The following RIMS1 variants were observed in gnomAD, a reference collection of about 807,000 sequenced individuals.
RIMS1 encodes regulating synaptic membrane exocytosis protein 1.
RIMS1 carries 83 observed loss-of-function variants against 214.1 expected under a neutral mutation model. That is an observed-to-expected ratio of 0.39 (90% CI 0.32 to 0.47). RIMS1 has a LOEUF of 0.47. Among genes scored for constraint, RIMS1 ranks in the 20% least tolerant of loss-of-function variants. The pLI is 0.99. For synonymous variants in RIMS1, 793 were observed against 786.8 expected, an observed-to-expected ratio of 1.01 and a Z score of -0.13; for missense variants, 2,050 against 2,161.8, an observed-to-expected ratio of 0.95 and a Z score of 1.03.
chr6:72,183,097 G>C lies in RIMS1; in HGVS notation c.1626G>C (p.Glu542Asp), dbSNP rs1289605278. The C allele has an allele frequency of 2.5e-6, 4 of 1,591,940 alleles. No homozygotes were observed. Among genetic ancestry groups the C allele is most frequent in the Non-Finnish European group, 3.4e-6 (4 of 1,170,360 alleles). The change falls in exon 6 of 34, where the codon GAG becomes GAC. Residue 542 changes from glutamate to aspartate, a missense_variant. Transcript: ENST00000521978. ...SSEEEGVSTP[E>D]YTSCEDVELE... ...AGGAGGAGGGCGTGTCGACGCCCGAGTACACCAGCTGCGAGGACGTGGAGC... is the reference window on the plus strand; with the variant it reads ...AGGAGGAGGGCGTGTCGACGCCCGACTACACCAGCTGCGAGGACGTGGAGC...
intron 27 of RIMS1, among the ~76,000 whole-genome samples, chr6:72,311,008 T>C (rs1278218862): frequency 6.6e-6 from 1 of 152,160 alleles, no homozygotes; most frequent in East Asian, 1.9e-4. Flanking sequence ...TAAAGCCATC[T>C]TTTGGCTTAT....
chr6:71,941,393 C>G (rs1241597528), intron 1 of RIMS1, among the ~76,000 whole-genome samples: 3 of 152,116 alleles, frequency 2.0e-5, no homozygotes, highest in Admixed American at 2.0e-4. Flanking sequence ...TCCATTATCA[C>G]CTGCCTTTTT....
intron 2 of RIMS1, among the ~76,000 whole-genome samples, chr6:71,990,230 A>G (rs1026274950): frequency 7.9e-5 from 12 of 152,206 alleles, no homozygotes; most frequent in African/African-American, 2.9e-4. Context: ...CATAAGCTCC[A>G]GAAATCTTCA....
At chr6:72,092,513 T>C (rs1314646930) in intron 2 of RIMS1, among the ~76,000 whole-genome samples, 1 of 152,120 alleles carries the variant, frequency 6.6e-6, no homozygotes, top group African/African-American at 2.4e-5. Flanking sequence ...CTCTTTCTTC[T>C]CTCATTATAC....
chr6:72,242,625 A>G (rs1016123465), intron 10 of RIMS1, among the ~76,000 whole-genome samples, 188 bp downstream of exon 10: 5 of 151,932 alleles, frequency 3.3e-5, no homozygotes, highest in African/African-American at 4.8e-5. Flanking sequence ...TTACTTCACT[A>G]CATTTTAGAA....
In RIMS1 at chr6:72,258,187, A is replaced by G. The variant is rs971184632; in HGVS notation, c.2833A>G (p.Arg945Gly). Reference protein sequence around the residue: ...STTLTVPEQQRTTHHRSRSVS... With the variant: ...STTLTVPEQQGTTHHRSRSVS... Reference sequence around the variant, plus strand: ...AACATTAACTGTGCCAGAACAGCAAAGAACAACTCATCACCGCTCACGTTC... The same window carrying G: ...AACATTAACTGTGCCAGAACAGCAAGGAACAACTCATCACCGCTCACGTTC... The change falls in exon 17 of 34, where the codon AGA becomes GGA. Residue 945 changes from arginine to glycine, a missense_variant. Physicochemically the swap from Arg to Gly is moderately radical, Grantham distance 125. Transcript: ENST00000521978. 1 of 1,613,290 alleles carries G rather than the reference A, an allele frequency of 6.2e-7. No individual in the cohort carries two copies. Among genetic ancestry groups the G allele is most frequent in the African/African-American group, 1.3e-5 (1 of 74,908 alleles).
intron 1 of RIMS1, among the ~76,000 whole-genome samples, chr6:71,928,597 CATTT>C (rs1398761827): frequency 6.6e-6 from 1 of 151,994 alleles, no homozygotes; most frequent in African/African-American, 2.4e-5. Context: ...ACTCAAATAA[CATTT>C]ATATCTATAT....
intron 4 of RIMS1, among the ~76,000 whole-genome samples, chr6:72,113,187 T>C (rs1270685504): frequency 6.6e-6 from 1 of 152,126 alleles, no homozygotes; most frequent in Non-Finnish European, 1.5e-5. Flanking sequence ...ATCCTTGCTC[T>C]AGGATCATGT....
At chr6:72,115,253 A>G (rs1379435970) in intron 4 of RIMS1, among the ~76,000 whole-genome samples, 1 of 151,960 alleles carries the variant, frequency 6.6e-6, no homozygotes, top group Non-Finnish European at 1.5e-5. Context: ...TTTAACAAAG[A>G]ATAGTATTAT....
chr6:72,316,615 A>G, intron 28 of RIMS1: 1 of 458,946 alleles, frequency 2.2e-6, no homozygotes, highest in Non-Finnish European at 4.2e-6. Context: ...GCACCAAGAG[A>G]GCAACCAGCC....
At position 71,943,769 on chromosome 6, in the gene RIMS1, C is replaced by T. The variant is rs1326826307; in HGVS notation, c.165-25214C>T. Among the ~76,000 whole-genome samples the T allele has an allele frequency of 5.9e-5, 9 of 152,144 alleles. No individual in the cohort carries two copies. In the South Asian group the frequency reaches 6.2e-4, roughly 11 times the overall value. On this transcript the variant is annotated intron_variant, in intron 1 of 33. Transcript: ENST00000521978. Reference sequence around the variant, plus strand: ...TTATTTTGCTTCCAAATCATTTCAGCGTATCAGCTTTCCGATGGCGTATTC... The same window carrying T: ...TTATTTTGCTTCCAAATCATTTCAGTGTATCAGCTTTCCGATGGCGTATTC...
At chr6:72,119,589 TG>T (rs2037801131) in intron 4 of RIMS1, among the ~76,000 whole-genome samples, 2 of 151,984 alleles carry the variant, frequency 1.3e-5, no homozygotes, top group South Asian at 4.2e-4. Context: ...AGCATGGTAC[TG>T]GTATAAAAAT....
chr6:72,015,628 C>T (rs1271230495), intron 2 of RIMS1, among the ~76,000 whole-genome samples: 1 of 152,046 alleles, frequency 6.6e-6, no homozygotes, highest in East Asian at 1.9e-4. Context: ...GGGGAAATAA[C>T]TTAATATGTC....
At chr6:72,270,067 G>C (rs985195691) in intron 22 of RIMS1, among the ~76,000 whole-genome samples, 20 of 151,850 alleles carry the variant, frequency 1.3e-4, no homozygotes, top group African/African-American at 4.4e-4. Context: ...TAGTACTGTA[G>C]TATGTTTGTG....
Position 72,197,498 on chromosome 6 carries a change from AAC to A in RIMS1, c.1678+14355_1678+14356del, listed in dbSNP as rs371246386. 1.8e-3 allele frequency among the ~76,000 whole-genome samples: 272 copies of A among 152,214 alleles called. 1 individual carries two copies. Among genetic ancestry groups the A allele is most frequent in the African/African-American group, 6.4e-3 (265 of 41,548 alleles). On this transcript the variant is annotated intron_variant, in intron 6 of 33. Coordinates refer to ENST00000521978, the MANE Select transcript of RIMS1 (RefSeq NM_014989.7). ...ACCCACAGGGAAATTTGTTCACCCA[AAC>A]ACACAAATATTCTGTGTAAAATACT... is the stretch of plus-strand genomic sequence containing the variant.
At chr6:71,934,888 T>C (rs1176546937) in intron 1 of RIMS1, among the ~76,000 whole-genome samples, 2 of 152,220 alleles carry the variant, frequency 1.3e-5, no homozygotes, top group African/African-American at 2.4e-5. Flanking sequence ...CCTTTTCTTC[T>C]AGAATTAATG....
intron 29 of RIMS1, among the ~76,000 whole-genome samples, chr6:72,376,649 A>T (rs1166677220): frequency 6.6e-6 from 1 of 152,094 alleles, no homozygotes; most frequent in East Asian, 1.9e-4. Context: ...TGGGAGACTA[A>T]GGTGGAAGGA....
At chr6:72,217,365 G>A (rs2056607926) in intron 6 of RIMS1, 5 of 832,166 alleles carry the variant, frequency 6.0e-6, no homozygotes, top group Non-Finnish European at 8.8e-6. Flanking sequence ...GAATAAGGAT[G>A]TTTTGCTTTA....
intron 24 of RIMS1, among the ~76,000 whole-genome samples, chr6:72,286,537 T>A (rs2092341240): frequency 6.6e-6 from 1 of 152,252 alleles, no homozygotes; most frequent in South Asian, 2.1e-4. Flanking sequence ...ACCTTTTAGA[T>A]GTGTTTGATT....
Sources: allele counts gnomAD v4.1 joint callset (sites outside exome capture counted in the v4.1 genomes callset), GRCh38; gene constraint gnomAD v4.1.1; transcripts MANE v1.5; gene names NCBI Gene and HGNC (gene_info 2026-07-23, HGNC 2026-07-21).